Variants in EPHA3 observed in about 807,000 individuals in gnomAD.
EPHA3 encodes EPH receptor A3.
A neutral mutation model predicts 107.1 loss-of-function variants in EPHA3; 42 were observed. That is an observed-to-expected ratio of 0.39 (90% CI 0.31 to 0.51). The LOEUF (loss-of-function observed/expected upper bound fraction) is 0.51. EPHA3 is among the 20% of genes least tolerant of loss of function. The probability of loss-of-function intolerance (pLI) is 0.78; values close to 1 mark genes in which losing one functional copy is unlikely to be tolerated. For synonymous variants in EPHA3, 461 were observed against 424.8 expected (o/e 1.09, Z -1.05); for missense variants, 1,183 against 1,211.2 (o/e 0.98, Z 0.35).
chr3:89,421,027 G>T (rs1709343413), intron 11 of EPHA3, among the ~76,000 whole-genome samples: 1 of 151,272 alleles, frequency 6.6e-6, no homozygotes, highest in African/African-American at 2.4e-5. Flanking sequence ...GGTAGCACTG[G>T]GAACTTGTTC....
At chr3:89,278,616 T>C (rs577655691) in intron 3 of EPHA3, among the ~76,000 whole-genome samples, 1 of 152,250 alleles carries the variant, frequency 6.6e-6, no homozygotes, top group East Asian at 1.9e-4. Context: ...ACGCTTTCTC[T>C]TCTGTATTTC....
intron 3 of EPHA3, among the ~76,000 whole-genome samples, chr3:89,340,125 C>G (rs934387743): frequency 1.1e-4 from 16 of 152,062 alleles, no homozygotes; most frequent in Admixed American, 5.2e-4. Context: ...ATGCTGAACC[C>G]TAAATTATAA....
In EPHA3 at chr3:89,454,832, A is replaced by T. The variant is rs1015778432; in HGVS notation, c.2690+4462A>T. 7.0e-4 allele frequency among the ~76,000 whole-genome samples: 106 copies of T among 151,518 alleles called. 2 individuals are homozygous for T. The highest frequency in any genetic ancestry group is 3.5e-4 in the Non-Finnish European group (24 of 67,816). On this transcript the variant is annotated intron_variant, in intron 15 of 16. Coordinates refer to ENST00000336596, the MANE Select transcript of EPHA3 (RefSeq NM_005233.6). ...TATAGCAAGACCCCCATCCCTACAA[A>T]TTTTTTTTTAAATGGGCCAGGCATG...
chr3:89,257,095 A>C (rs11920519), intron 3 of EPHA3, among the ~76,000 whole-genome samples: 2 of 152,164 alleles, frequency 1.3e-5, no homozygotes, highest in Non-Finnish European at 2.9e-5. Flanking sequence ...AACAACTTCA[A>C]ATGGCTGGAA....
At chr3:89,266,794 A>G (rs1172793147) in intron 3 of EPHA3, among the ~76,000 whole-genome samples, 1 of 152,142 alleles carries the variant, frequency 6.6e-6, no homozygotes, top group African/African-American at 2.4e-5. Context: ...CAATTCAATA[A>G]CAAATGAGTA....
intron 2 of EPHA3, among the ~76,000 whole-genome samples, chr3:89,204,121 T>C (rs1706042787): frequency 6.6e-6 from 1 of 152,214 alleles, no homozygotes; most frequent in Non-Finnish European, 1.5e-5. Flanking sequence ...CTCTCTAAAA[T>C]ACTTTGTTGG....
chr3:89,476,001 G>A (rs1468787739), intron 16 of EPHA3, among the ~76,000 whole-genome samples: 1 of 151,628 alleles, frequency 6.6e-6, no homozygotes, highest in Non-Finnish European at 1.5e-5. Flanking sequence ...CCCTAGCTAA[G>A]GAATAACCCA....
At chr3:89,263,120 T>C (rs1383947198) in intron 3 of EPHA3, among the ~76,000 whole-genome samples, 12 of 151,882 alleles carry the variant, frequency 7.9e-5, no homozygotes, top group African/African-American at 2.9e-4. Context: ...TAATGCTACC[T>C]CTCCCCTAGT....
intron 1 of EPHA3, among the ~76,000 whole-genome samples, chr3:89,125,379 T>C (rs1043192929): frequency 4.6e-5 from 7 of 151,794 alleles, no homozygotes; most frequent in African/African-American, 7.2e-5. Flanking sequence ...GTTAGTAATA[T>C]CCTTTAATTT....
In EPHA3 at chr3:89,415,653, G is replaced by A. The variant is rs578090547; in HGVS notation, c.1888+2387G>A. Among the ~76,000 whole-genome samples the A allele has an allele frequency of 1.2e-3, 182 of 151,018 alleles. 1 individual carries two copies. The highest frequency in any genetic ancestry group is 4.3e-3 in the African/African-American group (177 of 41,356). ...TTCCCACAGTAGTAGATTACTAGAA[G>A]TGAGGAATTCATGACTACAATTCCT... On this transcript the variant is annotated intron_variant, in intron 10 of 16. Transcript: ENST00000336596.
chr3:89,248,155 C>A (rs1362176436), intron 3 of EPHA3, among the ~76,000 whole-genome samples: 1 of 152,140 alleles, frequency 6.6e-6, no homozygotes. Flanking sequence ...TGCGCTGCAA[C>A]ATCTACTGCC....
chr3:89,358,978 C>A (rs779002472), intron 5 of EPHA3, among the ~76,000 whole-genome samples: 1 of 151,116 alleles, frequency 6.6e-6, no homozygotes, highest in African/African-American at 2.4e-5. Flanking sequence ...TGCAGTAAAA[C>A]TCACCACATT....
chr3:89,473,242 G>A (rs189139541), intron 16 of EPHA3, among the ~76,000 whole-genome samples: 28 of 152,198 alleles, frequency 1.8e-4, no homozygotes, highest in East Asian at 3.9e-4. Context: ...AAAAATATGC[G>A]TCATAATATT....
intron 1 of EPHA3, among the ~76,000 whole-genome samples, chr3:89,109,236 A>G (rs2106935753): frequency 6.6e-6 from 1 of 152,178 alleles, no homozygotes; most frequent in South Asian, 2.1e-4. Context: ...TTACCCACAA[A>G]TGACTTTTTA....
At chr3:89,297,614 C>G (rs1337915642) in intron 3 of EPHA3, among the ~76,000 whole-genome samples, 3 of 152,034 alleles carry the variant, frequency 2.0e-5, no homozygotes, top group Non-Finnish European at 4.4e-5. Flanking sequence ...AAATGTGACA[C>G]AGAAACATGA....
Position 89,405,771 on chromosome 3 carries a change from G to A in EPHA3, c.1595-1498G>A, listed in dbSNP as rs919379871. On this transcript the variant is annotated intron_variant, in intron 7 of 16. Transcript: ENST00000336596. ...TTCATGTACTTAATCAGCATTTACC[G>A]CAAGAACAACATATGCAAATAAGAG... Among the ~76,000 whole-genome samples, 8 of 152,146 alleles carry A rather than the reference G, an allele frequency of 5.3e-5. 1 individual carries two copies. Among genetic ancestry groups the A allele is most frequent in the Middle Eastern group, 3.4e-3 (1 of 294 alleles).
In EPHA3 at chr3:89,352,764, A is replaced by G. The variant is rs530063899; in HGVS notation, c.1306+10674A>G. ...ACAAAAATACAAAAATTAGCCAGGC[A>G]TGATGGCAGGTGCCTGTAATTCCAG... On this transcript the variant is annotated intron_variant, in intron 5 of 16. Coordinates refer to ENST00000336596, the MANE Select transcript of EPHA3 (RefSeq NM_005233.6). Among the ~76,000 whole-genome samples the G allele has an allele frequency of 7.5e-4, 113 of 150,540 alleles. 5 individuals carry two copies. Among genetic ancestry groups the G allele is most frequent in the Non-Finnish European group, 1.2e-3 (81 of 67,294 alleles).
intron 13 of EPHA3, among the ~76,000 whole-genome samples, chr3:89,446,535 C>T (rs943069490): frequency 6.6e-6 from 1 of 152,000 alleles, no homozygotes; most frequent in African/African-American, 2.4e-5. Flanking sequence ...TTGAATTAAC[C>T]AAATAAATAC....
chr3:89,209,437 C>T (rs944340846), intron 2 of EPHA3, among the ~76,000 whole-genome samples: 1 of 151,830 alleles, frequency 6.6e-6, no homozygotes, highest in African/African-American at 2.4e-5. Context: ...TCAATTTTAC[C>T]AAAAACCTGG....
Sources: allele counts gnomAD v4.1 joint callset (sites outside exome capture counted in the v4.1 genomes callset), GRCh38; gene constraint gnomAD v4.1.1; transcripts MANE v1.5; gene names NCBI Gene and HGNC (gene_info 2026-07-23, HGNC 2026-07-21).